Variants in CALCR observed in about 807,000 individuals in gnomAD.
CALCR encodes the protein calcitonin receptor.
In CALCR, 47 loss-of-function variants were observed where a neutral mutation model predicts 59.5. That is an observed-to-expected ratio of 0.79 (90% CI 0.63 to 1.01). The LOEUF is 1.01. Ranked by LOEUF, CALCR falls within the 50% of genes least tolerant of loss-of-function variation. The probability of loss-of-function intolerance (pLI) is 0.00; values close to 1 mark genes in which losing one functional copy is unlikely to be tolerated. For missense variants in CALCR, 566 were observed against 597.1 expected (o/e 0.95, Z 0.54); for synonymous variants, 213 against 211.3 (o/e 1.01, Z -0.07).
chr7:93,525,924 C>T (rs1240151231), intron 2 of CALCR, among the ~76,000 whole-genome samples: 1 of 152,146 alleles, frequency 6.6e-6, no homozygotes, highest in Non-Finnish European at 1.5e-5. Context: ...AACACGTGAG[C>T]ACTATTAACC....
intron 9 of CALCR, among the ~76,000 whole-genome samples, chr7:93,438,763 A>G (rs1799837745): frequency 6.6e-6 from 1 of 152,120 alleles, no homozygotes; most frequent in Non-Finnish European, 1.5e-5. Context: ...GTCTGTTTAT[A>G]TCTCATGCAG....
In CALCR at chr7:93,438,418, A is replaced by G. The variant is rs1799830152; in HGVS notation, c.803-148T>C. Reference sequence around the variant, plus strand: ...TTCCCCTGATATTTTCACAAAAATCATCTTTGGTCAAGCCAGTCAAAATGC... The same window carrying G: ...TTCCCCTGATATTTTCACAAAAATCGTCTTTGGTCAAGCCAGTCAAAATGC... On this transcript the variant is annotated intron_variant, in intron 9 of 13. Coordinates refer to ENST00000426151, the MANE Select transcript of CALCR (RefSeq NM_001742.4). The G allele has an allele frequency of 8.9e-6, 6 of 673,984 alleles. 1 individual carries two copies. In the South Asian group the frequency reaches 1.0e-4, roughly 12 times the overall value. The allele number at this position is 673,984 out of a possible 1,614,324, so 41.8% of individuals were successfully genotyped here.
chr7:93,438,255 G>A lies in CALCR; in HGVS notation c.818C>T (p.Pro273Leu), dbSNP rs1799825659. Residue 273 changes from proline (P) to leucine (L), a missense_variant, in exon 10 of 14, where the codon CCA becomes CTA. Coordinates refer to ENST00000426151, the MANE Select transcript of CALCR (RefSeq NM_001742.4). ...CCTGGTAATAGCATGGATAGTGGTT[G>A]GCACCAGCGGGAACCCTACAAATGT... Reference protein sequence around the residue: ...YLLGWGFPLVPTTIHAITRAV... With the variant: ...YLLGWGFPLVLTTIHAITRAV... The A allele has an allele frequency of 6.2e-7, 1 of 1,612,936 alleles. No homozygotes were observed. Among genetic ancestry groups the A allele is most frequent in the Non-Finnish European group, 8.5e-7 (1 of 1,179,058 alleles).
chr7:93,467,557 A>G (rs1032364984), intron 7 of CALCR, among the ~76,000 whole-genome samples: 4 of 151,696 alleles, frequency 2.6e-5, no homozygotes, highest in African/African-American at 4.8e-5. Flanking sequence ...AGATTCTACT[A>G]TGTTTTAAAT....
At chr7:93,544,187 G>A (rs1486436223) in intron 2 of CALCR, among the ~76,000 whole-genome samples, 3 of 151,556 alleles carry the variant, frequency 2.0e-5, no homozygotes, top group Admixed American at 6.6e-5. Flanking sequence ...AAAAAATAAT[G>A]CCAAAATTAA....
chr7:93,434,964 C>T (rs958545461), intron 12 of CALCR, among the ~76,000 whole-genome samples: 8 of 152,186 alleles, frequency 5.3e-5, no homozygotes, highest in Non-Finnish European at 8.8e-5. Flanking sequence ...GTAATAGAGA[C>T]AGCAAAACTC....
intron 2 of CALCR, among the ~76,000 whole-genome samples, chr7:93,536,347 C>T (rs1299115122): frequency 6.6e-6 from 1 of 151,768 alleles, no homozygotes; most frequent in Non-Finnish European, 1.5e-5. Flanking sequence ...AAATCTGTCT[C>T]ATAGTGCCAT....
At chr7:93,458,981 G>C (rs1358330510) in intron 8 of CALCR, among the ~76,000 whole-genome samples, 1 of 152,150 alleles carries the variant, frequency 6.6e-6, no homozygotes, top group Admixed American at 6.5e-5. Flanking sequence ...AAGATTTGTT[G>C]TTAAAATTAA....
At chr7:93,539,323 T>C (rs1789070037) in intron 2 of CALCR, among the ~76,000 whole-genome samples, 1 of 152,104 alleles carries the variant, frequency 6.6e-6, no homozygotes, top group Admixed American at 6.6e-5. Context: ...AAAATCTTGG[T>C]TGCCATTTAG....
intron 2 of CALCR, among the ~76,000 whole-genome samples, chr7:93,537,129 G>A (rs753762956): frequency 5.3e-5 from 8 of 151,618 alleles, no homozygotes; most frequent in Non-Finnish European, 1.0e-4. Context: ...AAAAACCAAT[G>A]TAAAGAAAAA....
chr7:93,444,006 T>G (rs1799963200), intron 8 of CALCR, among the ~76,000 whole-genome samples: 1 of 152,182 alleles, frequency 6.6e-6, no homozygotes, highest in Non-Finnish European at 1.5e-5. Context: ...CCTTGTTGCA[T>G]TCTGCGGACT....
intron 2 of CALCR, among the ~76,000 whole-genome samples, chr7:93,515,052 C>T (rs1056939974): frequency 1.3e-5 from 2 of 152,030 alleles, no homozygotes; most frequent in African/African-American, 4.8e-5. Context: ...GATTCAAATA[C>T]ATCTTCAAGT....
intron 9 of CALCR, chr7:93,441,684 C>A: frequency 2.6e-6 from 1 of 385,786 alleles, no homozygotes; most frequent in Non-Finnish European, 5.0e-6. Flanking sequence ...TCTAACCTCA[C>A]TGGATGGTTA....
intron 2 of CALCR, among the ~76,000 whole-genome samples, chr7:93,508,178 C>T (rs1205089251): frequency 1.3e-5 from 2 of 152,110 alleles, no homozygotes; most frequent in African/African-American, 4.8e-5. Flanking sequence ...AATAAGTGTG[C>T]ACTTATTTCA....
At chr7:93,467,162 GA>G (rs1243320867) in intron 7 of CALCR, among the ~76,000 whole-genome samples, 2 of 151,726 alleles carry the variant, frequency 1.3e-5, no homozygotes, top group Non-Finnish European at 2.9e-5. Context: ...AAGTGCAATT[GA>G]AAAATGAAGA....
At chr7:93,524,855 C>T (rs1436334353) in intron 2 of CALCR, among the ~76,000 whole-genome samples, 1 of 152,062 alleles carries the variant, frequency 6.6e-6, no homozygotes, top group Non-Finnish European at 1.5e-5. Context: ...TGTTTTGTCC[C>T]TACTGGTTTC....
intron 2 of CALCR, among the ~76,000 whole-genome samples, chr7:93,517,717 T>C (rs909663875): frequency 1.3e-5 from 2 of 151,954 alleles, no homozygotes; most frequent in Non-Finnish European, 2.9e-5. Flanking sequence ...GCGAAGACAG[T>C]GTGGCTCATT....
At chr7:93,520,762 C>T (rs1801745478) in intron 2 of CALCR, among the ~76,000 whole-genome samples, 1 of 152,106 alleles carries the variant, frequency 6.6e-6, no homozygotes, top group South Asian at 2.1e-4. Flanking sequence ...TTAAATGGTA[C>T]ATGGTGCACT....
In CALCR at chr7:93,441,559, A is replaced by G. The variant is rs1325394476; in HGVS notation, c.802+2045T>C. 1.1e-4 allele frequency: 4 copies of G among 36,124 alleles called. 1 individual carries two copies. In the Admixed American group the frequency reaches 2.1e-3, roughly 19 times the overall value. 2.2% of individuals were successfully genotyped at this position (36,124 alleles called of 1,614,324 possible). A position where few individuals can be genotyped will look rare whatever the true frequency, so the allele number is the denominator to read the frequency against. On this transcript the variant is annotated intron_variant, in intron 9 of 13. Coordinates refer to ENST00000426151, the MANE Select transcript of CALCR (RefSeq NM_001742.4). ...CTGTGGAAGGCTGGGGCTAAAAGAG[A>G]AAAAAAAAAATAGTAAAAGACCATT...
Sources: allele counts gnomAD v4.1 joint callset (sites outside exome capture counted in the v4.1 genomes callset), GRCh38; gene constraint gnomAD v4.1.1; transcripts MANE v1.5; gene names NCBI Gene and HGNC (gene_info 2026-07-23, HGNC 2026-07-21).